The following NARS2 variants were observed in gnomAD, a reference collection of about 807,000 sequenced individuals.
The protein encoded by NARS2 is asparaginyl-tRNA synthetase 2, mitochondrial.
Under a neutral mutation model 62.9 loss-of-function variants are expected in NARS2, and 60 were observed. The ratio of observed to expected loss-of-function variants is 0.95; its 90% CI spans 0.77 to 1.18. The LOEUF (loss-of-function observed/expected upper bound fraction) is 1.18. Ranked by LOEUF, NARS2 falls within the 50% of genes most tolerant of loss-of-function variation. The probability of loss-of-function intolerance (pLI) is 0.00; values close to 1 mark genes in which losing one functional copy is unlikely to be tolerated. For missense variants in NARS2, 619 were observed against 576.4 expected (o/e 1.07, Z -0.76); for synonymous variants, 196 against 200.0 (o/e 0.98, Z 0.17).
chr11:78,512,284 T>C (rs1017330125), intron 6 of NARS2, among the ~76,000 whole-genome samples: 1 of 152,232 alleles, frequency 6.6e-6, no homozygotes, highest in African/African-American at 2.4e-5. Flanking sequence ...TCCTCTGCTT[T>C]GTATGAACTC....
intron 2 of NARS2, among the ~76,000 whole-genome samples, chr11:78,569,794 G>C (rs975735025): frequency 6.6e-6 from 1 of 152,162 alleles, no homozygotes; most frequent in African/African-American, 2.4e-5. Flanking sequence ...ATCTCAAAGA[G>C]ACAGTCATCC....
chr11:78,436,457 G>GTACC lies in NARS2; in HGVS notation c.*209_*212dup. On this transcript the variant is annotated 3_prime_UTR_variant, in exon 14 of 14. Coordinates refer to ENST00000281038, the MANE Select transcript of NARS2 (RefSeq NM_024678.6). ...GGATTTGAGAGTCCCCTTGCTATAA[G>GTACC]TACCTCTTCTTGCGGGAGCTCATCC... The GTACC allele has an allele frequency of 1.9e-6, 1 of 530,750 alleles. No individual in the cohort carries two copies. The allele number at this position is 530,750 out of a possible 1,614,324, so 32.9% of individuals were successfully genotyped here.
chr11:78,478,951 C>G (rs1859229474), intron 7 of NARS2, among the ~76,000 whole-genome samples: 2 of 152,142 alleles, frequency 1.3e-5, no homozygotes, highest in African/African-American at 4.8e-5. Flanking sequence ...AAATGAACAG[C>G]TGTAACTCAT....
At chr11:78,505,269 T>TACACACACACACACAC (rs10533814) in intron 6 of NARS2, among the ~76,000 whole-genome samples, 3 of 133,344 alleles carry the variant, frequency 2.2e-5, no homozygotes, top group African/African-American at 2.9e-5. Flanking sequence ...GAAAACAAAA[T>TACACACACACACACAC]ACACACACAC....
intron 8 of NARS2, 33 bp downstream of exon 8, chr11:78,478,552 G>T (rs1859208787): frequency 7.2e-7 from 1 of 1,389,386 alleles, no homozygotes; most frequent in Non-Finnish European, 1.0e-6. Flanking sequence ...TTAAACAGTA[G>T]ATGTATTGGG....
chr11:78,449,439 G>T (rs1007542896), intron 11 of NARS2, among the ~76,000 whole-genome samples: 1 of 151,584 alleles, frequency 6.6e-6, no homozygotes, highest in African/African-American at 2.4e-5. Context: ...GCCTGGCCAA[G>T]TCACCTTAAA....
intron 5 of NARS2, among the ~76,000 whole-genome samples, chr11:78,541,333 C>CTT (rs748977121): frequency 8.5e-5 from 12 of 141,760 alleles, no homozygotes; most frequent in African/African-American, 7.7e-5. Flanking sequence ...AGTCATGTCA[C>CTT]TTTTTTTTTT....
intron 9 of NARS2, among the ~76,000 whole-genome samples, chr11:78,475,864 G>A (rs1338975873): frequency 6.6e-6 from 1 of 152,084 alleles, no homozygotes; most frequent in Non-Finnish European, 1.5e-5. Flanking sequence ...GCCTCCCAAA[G>A]TGCTGAGACT....
chr11:78,570,623 C>G (rs1249604472), intron 2 of NARS2, among the ~76,000 whole-genome samples: 1 of 152,146 alleles, frequency 6.6e-6, no homozygotes, highest in Admixed American at 6.5e-5. Flanking sequence ...TCAAGTGATC[C>G]GTCTGTCTCG....
intron 6 of NARS2, among the ~76,000 whole-genome samples, chr11:78,494,751 G>A (rs902040905): frequency 1.3e-5 from 2 of 152,082 alleles, no homozygotes; most frequent in Non-Finnish European, 2.9e-5. Context: ...CTACTAGAAT[G>A]TTTTGAAAAA....
chr11:78,493,444 C>T (rs1474766192), intron 6 of NARS2, among the ~76,000 whole-genome samples: 1 of 152,040 alleles, frequency 6.6e-6, no homozygotes, highest in African/African-American at 2.4e-5. Flanking sequence ...ACTGCTTAAA[C>T]TTAGGAGTTC....
rs544313314 is a variant in NARS2, at chr11:78,476,043, G to A, written c.959+2395C>T. ...TATCTTACACAAATGTAAAACATTT[G>A]TGATGTCTGCCTGCCTGAGCAAAGC... On this transcript the variant is annotated intron_variant, in intron 9 of 13. Coordinates refer to ENST00000281038, the MANE Select transcript of NARS2 (RefSeq NM_024678.6). 3.4e-4 allele frequency among the ~76,000 whole-genome samples: 52 copies of A among 152,334 alleles called. No homozygotes were observed. The South Asian group carries it at 3.7e-3, about 11-fold the overall frequency.
In NARS2 at chr11:78,516,355, A is replaced by G. The variant is rs1249603811; in HGVS notation, c.689+12487T>C. Among the ~76,000 whole-genome samples the G allele has an allele frequency of 5.3e-5, 8 of 152,372 alleles. No individual in the cohort carries two copies. The East Asian group carries it at 5.8e-4, about 11-fold the overall frequency. ...AAAAGGAATAGAATCTACATCAAAT[A>G]TAACAGCCAATGGTCATTAAACATG... On this transcript the variant is annotated intron_variant, in intron 6 of 13. Coordinates refer to ENST00000281038, the MANE Select transcript of NARS2 (RefSeq NM_024678.6).
intron 11 of NARS2, among the ~76,000 whole-genome samples, chr11:78,455,137 G>A (rs1416149192): frequency 6.6e-6 from 1 of 151,612 alleles, no homozygotes; most frequent in African/African-American, 2.4e-5. Flanking sequence ...TTTTCATCTT[G>A]CCAGTATCTT....
chr11:78,546,444 T>G (rs574642778), intron 5 of NARS2: 2 of 152,354 alleles, frequency 1.3e-5, no homozygotes, highest in Admixed American at 6.5e-5. Flanking sequence ...GGAAGCATAG[T>G]GCACTAGGCA....
intron 9 of NARS2, among the ~76,000 whole-genome samples, chr11:78,477,214 C>T (rs1319429675): frequency 6.6e-6 from 1 of 152,074 alleles, no homozygotes; most frequent in African/African-American, 2.4e-5. Flanking sequence ...ACTTAATGAC[C>T]ACTTTTATCA....
intron 5 of NARS2, chr11:78,533,161 C>T (rs1288882388): frequency 6.6e-6 from 1 of 152,202 alleles, no homozygotes; most frequent in African/African-American, 2.4e-5. Context: ...TGGACCGTTG[C>T]ATCCAACTGA....
chr11:78,450,666 CTTTT>C (rs781420225), intron 11 of NARS2, among the ~76,000 whole-genome samples: 3 of 101,580 alleles, frequency 3.0e-5, no homozygotes, highest in South Asian at 3.3e-4. Flanking sequence ...AAAGCCTTGT[CTTTT>C]TTTTTTTTTT....
At chr11:78,452,331 T>C (rs1210924615) in intron 11 of NARS2, among the ~76,000 whole-genome samples, 1 of 152,020 alleles carries the variant, frequency 6.6e-6, no homozygotes, top group African/African-American at 2.4e-5. Context: ...CTGGTCTCGA[T>C]CTCTTGACCT....
Sources: gnomAD v4.1 joint callset for allele counts (sites outside exome capture counted in the v4.1 genomes callset) on GRCh38, gnomAD v4.1.1 for gene constraint, MANE v1.5 for transcripts, NCBI Gene and HGNC (gene_info 2026-07-23, HGNC 2026-07-21) for gene names.